Variants in CLDN16 observed in about 807,000 individuals in gnomAD.
CLDN16 encodes claudin 16.
CLDN16 carries 13 observed loss-of-function variants against 24.6 expected under a neutral mutation model. The observed-to-expected ratio is 0.53, with a 90% CI of 0.34 to 0.84. CLDN16 has a LOEUF of 0.84. CLDN16 is among the 40% of genes least tolerant of loss of function. The pLI, the probability that CLDN16 is intolerant of heterozygous loss-of-function variation, is 0.01. For synonymous variants in CLDN16, 116 were observed against 106.7 expected (o/e 1.09, Z -0.54); for missense variants, 298 against 292.7 (o/e 1.02, Z -0.13).
At chr3:190,387,519 A>G (rs566098105), upstream of CLDN16, among the ~76,000 whole-genome samples, 6 of 152,358 alleles carry the variant, frequency 3.9e-5, no homozygotes, top group African/African-American at 1.4e-4. Flanking sequence ...TATTCCTCAT[A>G]TGAAGAACAA....
upstream of CLDN16, among the ~76,000 whole-genome samples, chr3:190,319,047 C>T (rs1716844861): frequency 6.6e-6 from 1 of 152,168 alleles, no homozygotes; most frequent in South Asian, 2.1e-4. Context: ...CTACAACATT[C>T]CTTCAAAATG....
intron 1 of CLDN16, among the ~76,000 whole-genome samples, chr3:190,329,125 T>G (rs1312867070): frequency 2.0e-5 from 3 of 152,064 alleles, no homozygotes; most frequent in South Asian, 4.1e-4. Flanking sequence ...TGTTATTTTT[T>G]GGGGGGGAGG....
chr3:190,312,399 T>C, the CLDN16 span, among the ~76,000 whole-genome samples: 1 of 152,174 alleles, frequency 6.6e-6, no homozygotes, highest in Admixed American at 6.5e-5. Context: ...CACATCCTGT[T>C]TATTCTCGAA....
At chr3:190,357,184 T>C (rs1218905503) in intron 1 of CLDN16, among the ~76,000 whole-genome samples, 1 of 151,894 alleles carries the variant, frequency 6.6e-6, no homozygotes, top group Admixed American at 6.6e-5. Context: ...CTCCTATGAG[T>C]ATGTCCTAAT....
chr3:190,329,873 T>C (rs895796637), intron 1 of CLDN16, among the ~76,000 whole-genome samples: 2 of 152,078 alleles, frequency 1.3e-5, no homozygotes, highest in African/African-American at 4.8e-5. Context: ...GTTAGTATTA[T>C]CTAGGTGAGG....
chr3:190,367,013 A>G (rs947632356), intron 1 of CLDN16, among the ~76,000 whole-genome samples: 5 of 152,000 alleles, frequency 3.3e-5, no homozygotes, highest in East Asian at 1.9e-4. Flanking sequence ...AACAAGATAC[A>G]TAAAAACATT....
At chr3:190,296,642 C>T in the CLDN16 span, among the ~76,000 whole-genome samples, 1 of 151,558 alleles carries the variant, frequency 6.6e-6, no homozygotes. Flanking sequence ...CTCTGCCTCC[C>T]GGGTTCACGC....
chr3:190,349,171 A>G (rs1273667398), intron 1 of CLDN16, among the ~76,000 whole-genome samples: 5 of 152,272 alleles, frequency 3.3e-5, no homozygotes, highest in African/African-American at 1.2e-4. Flanking sequence ...CAGTTGTTCA[A>G]TTGTAATCCC....
At chr3:190,373,081 T>C (rs1718176381) in intron 2 of CLDN16, among the ~76,000 whole-genome samples, 1 of 151,982 alleles carries the variant, frequency 6.6e-6, no homozygotes. Context: ...GTCTCTCAGG[T>C]GTTCTTTATC....
At chr3:190,368,365 C>A (rs1718067517) in intron 1 of CLDN16, among the ~76,000 whole-genome samples, 1 of 151,894 alleles carries the variant, frequency 6.6e-6, no homozygotes, top group Admixed American at 6.6e-5. Context: ...TTCTTTCCCC[C>A]ATTGTGCCTT....
At chr3:190,332,512 G>T (rs1012693445) in intron 1 of CLDN16, among the ~76,000 whole-genome samples, 2 of 152,172 alleles carry the variant, frequency 1.3e-5, no homozygotes, top group South Asian at 2.1e-4. Flanking sequence ...TCTCTTCCTG[G>T]CATAGCCACT....
intron 1 of CLDN16, among the ~76,000 whole-genome samples, chr3:190,390,615 T>C (rs936146090): frequency 6.6e-6 from 1 of 152,178 alleles, no homozygotes; most frequent in African/African-American, 2.4e-5. Context: ...TCAATATTTT[T>C]AAAGAGACAA....
the CLDN16 span, among the ~76,000 whole-genome samples, chr3:190,310,491 G>A: frequency 2.0e-5 from 3 of 152,028 alleles, no homozygotes; most frequent in African/African-American, 4.8e-5. Context: ...TGATATCTTG[G>A]CACAAATAAT....
At chr3:190,392,020 G>C (rs982195977) in intron 1 of CLDN16, among the ~76,000 whole-genome samples, 3 of 141,240 alleles carry the variant, frequency 2.1e-5, no homozygotes, top group African/African-American at 7.6e-5. Flanking sequence ...TTTTTCAATT[G>C]TATAGTTGAA....
intron 1 of CLDN16, among the ~76,000 whole-genome samples, chr3:190,369,102 G>A (rs1718082191): frequency 6.6e-6 from 1 of 151,860 alleles, no homozygotes; most frequent in South Asian, 2.1e-4. Flanking sequence ...CTTGTGTCAT[G>A]CTCCTTGAAA....
intron 2 of CLDN16, among the ~76,000 whole-genome samples, chr3:190,373,033 G>A (rs114494580): frequency 0.011 from 1,741 of 151,970 alleles, 31 homozygotes; most frequent in African/African-American, 0.04. Context: ...CCCTTTGTTT[G>A]TTCTGCCTTC....
At chr3:190,352,923 T>G (rs1717698892) in intron 1 of CLDN16, among the ~76,000 whole-genome samples, 1 of 152,088 alleles carries the variant, frequency 6.6e-6, no homozygotes, top group Non-Finnish European at 1.5e-5. Flanking sequence ...TTTTCCACCC[T>G]TCAGAAATAG....
upstream of CLDN16, among the ~76,000 whole-genome samples, chr3:190,320,293 A>G (rs1372916679): frequency 3.9e-5 from 6 of 152,234 alleles, no homozygotes; most frequent in Non-Finnish European, 8.8e-5. Flanking sequence ...GATCAGAGGA[A>G]TAAAACTGAC....
chr3:190,400,886 C>T (rs1476756194), intron 1 of CLDN16, among the ~76,000 whole-genome samples: 3 of 152,140 alleles, frequency 2.0e-5, no homozygotes, highest in African/African-American at 7.2e-5. Flanking sequence ...TGCTCAGGAG[C>T]ACACCCACAC....
Sources: allele counts gnomAD v4.1 joint callset (sites outside exome capture counted in the v4.1 genomes callset), GRCh38; gene constraint gnomAD v4.1.1; transcripts MANE v1.5; gene names NCBI Gene and HGNC (gene_info 2026-07-23, HGNC 2026-07-21).